NRXN3: variants seen among roughly 807,000 people sequenced by gnomAD.
NRXN3 encodes the protein neurexin III.
NRXN3 carries 32 observed loss-of-function variants against 137.6 expected under a neutral mutation model. The ratio of observed to expected loss-of-function variants is 0.23; its 90% CI spans 0.18 to 0.31. The LOEUF (loss-of-function observed/expected upper bound fraction) is 0.31, where lower values mean the gene tolerates loss of function less well. Among genes scored for constraint, NRXN3 ranks in the 10% least tolerant of loss-of-function variants. The probability of loss-of-function intolerance (pLI) is 1.00; values close to 1 mark genes in which losing one functional copy is unlikely to be tolerated. For synonymous variants in NRXN3, 798 were observed against 784.5 expected, an observed-to-expected ratio of 1.02 and a Z score of -0.29; for missense variants, 1,574 against 2,062.5, an observed-to-expected ratio of 0.76 and a Z score of 4.59.
chr14:79,339,658 A>G (rs892996741), intron 15 of NRXN3, among the ~76,000 whole-genome samples: 1 of 152,226 alleles, frequency 6.6e-6, no homozygotes, highest in African/African-American at 2.4e-5. Context: ...ACTTGTTTGC[A>G]TATTAAAGTT....
intron 16 of NRXN3, among the ~76,000 whole-genome samples, chr14:79,528,268 G>T (rs1359623405): frequency 1.3e-5 from 2 of 152,148 alleles, no homozygotes; most frequent in African/African-American, 4.8e-5. Context: ...ATTCATCATA[G>T]CTGTACTTGA....
chr14:79,338,839 T>A (rs915589337), intron 15 of NRXN3, among the ~76,000 whole-genome samples: 1 of 152,178 alleles, frequency 6.6e-6, no homozygotes, highest in African/African-American at 2.4e-5. Context: ...GATAACTATT[T>A]TTGTGTTTGT....
At chr14:78,749,366 T>G (rs1179425772) in intron 8 of NRXN3, among the ~76,000 whole-genome samples, 1 of 152,180 alleles carries the variant, frequency 6.6e-6, no homozygotes, top group African/African-American at 2.4e-5. Flanking sequence ...AGAAAAGCTT[T>G]TATGCTCATT....
intron 4 of NRXN3, among the ~76,000 whole-genome samples, chr14:78,331,441 GA>G (rs143596196): frequency 0.012 from 1,804 of 152,264 alleles, 33 homozygotes; most frequent in African/African-American, 0.041. Context: ...AGACTAGTTT[GA>G]AAATGTTCCA....
chr14:78,579,161 C>A (rs976472470), intron 4 of NRXN3, among the ~76,000 whole-genome samples: 1 of 152,160 alleles, frequency 6.6e-6, no homozygotes, highest in East Asian at 1.9e-4. Flanking sequence ...CACACGTACC[C>A]AGACACATTC....
intron 20 of NRXN3, among the ~76,000 whole-genome samples, chr14:79,819,592 C>T (rs1188476709): frequency 7.0e-6 from 1 of 142,656 alleles, no homozygotes; most frequent in African/African-American, 2.6e-5. Flanking sequence ...TCAGGCAATT[C>T]TCCTGCCTCA....
In NRXN3 at chr14:79,180,616, A is replaced by G. The variant is rs370138672; in HGVS notation, c.3262+192475A>G. On this transcript the variant is annotated intron_variant, in intron 15 of 20. Coordinates refer to ENST00000335750, the MANE Select transcript of NRXN3 (RefSeq NM_001330195.2). ...CTTAACAGCTTACCCTGCATGGTGT[A>G]CTTTATATAACAGAGACTTTAATGG... is the stretch of plus-strand genomic sequence containing the variant. Among the ~76,000 whole-genome samples the G allele has an allele frequency of 1.3e-4, 20 of 152,280 alleles. No homozygotes were observed. The South Asian group carries it at 2.1e-3, about 16-fold the overall frequency.
At chr14:78,418,334 G>T (rs1387057502) in intron 4 of NRXN3, among the ~76,000 whole-genome samples, 1 of 152,168 alleles carries the variant, frequency 6.6e-6, no homozygotes, top group Non-Finnish European at 1.5e-5. Context: ...GGGCTGCCAA[G>T]CTTCTCTGAA....
At chr14:79,527,259 A>T (rs1049569714) in intron 16 of NRXN3, among the ~76,000 whole-genome samples, 4 of 135,242 alleles carry the variant, frequency 3.0e-5, no homozygotes, top group African/African-American at 1.1e-4. Context: ...GAGCCACTGC[A>T]CTCCAGCCTG....
intron 15 of NRXN3, among the ~76,000 whole-genome samples, chr14:79,233,591 T>C (rs2072650582): frequency 6.6e-6 from 1 of 152,082 alleles, no homozygotes; most frequent in Admixed American, 6.6e-5. Flanking sequence ...ATATTCTACC[T>C]TAGAAAACTC....
rs1369403660 is a variant in NRXN3 at position 79,766,231 on chromosome 14, T to C, written c.4015-38881T>C. Among the ~76,000 whole-genome samples the C allele has an allele frequency of 4.6e-5, 7 of 152,312 alleles. No individual in the cohort carries two copies. The East Asian group carries it at 1.2e-3, about 25-fold the overall frequency. Reference sequence around the variant, plus strand: ...AAGGTTTCATATGGTGTCCACTTCATGCCATTATGTGATATGATTTGCCTC... The same window carrying C: ...AAGGTTTCATATGGTGTCCACTTCACGCCATTATGTGATATGATTTGCCTC... On this transcript the variant is annotated intron_variant, in intron 19 of 20. Coordinates refer to ENST00000335750, the MANE Select transcript of NRXN3 (RefSeq NM_001330195.2).
At chr14:79,526,777 C>T (rs989512235) in intron 16 of NRXN3, among the ~76,000 whole-genome samples, 4 of 152,024 alleles carry the variant, frequency 2.6e-5, no homozygotes, top group African/African-American at 7.3e-5. Context: ...GGGAAAGAAA[C>T]GAACGTGAGA....
intron 10 of NRXN3, among the ~76,000 whole-genome samples, chr14:78,951,423 A>G (rs1427910362): frequency 6.6e-6 from 1 of 152,076 alleles, no homozygotes; most frequent in Non-Finnish European, 1.5e-5. Flanking sequence ...CATCTCATTT[A>G]GTATCTTTCT....
chr14:79,280,106 TTTTC>T, intron 15 of NRXN3: 1 of 1,404,974 alleles, frequency 7.1e-7, no homozygotes, highest in African/African-American at 1.5e-5. Context: ...TATCTTTTTT[TTTTC>T]TTTCTTTAAG....
chr14:79,345,635 G>A (rs1435852994), intron 15 of NRXN3, among the ~76,000 whole-genome samples: 2 of 152,092 alleles, frequency 1.3e-5, no homozygotes, highest in African/African-American at 4.8e-5. Flanking sequence ...TCTCATGAAT[G>A]GTTTAGCACC....
chr14:78,538,418 T>A (rs567827204), intron 4 of NRXN3, among the ~76,000 whole-genome samples: 3 of 152,184 alleles, frequency 2.0e-5, no homozygotes, highest in Non-Finnish European at 4.4e-5. Flanking sequence ...TCAGTTTGTC[T>A]GTTAATGGTG....
chr14:78,893,887 G>T (rs1048363528), intron 10 of NRXN3, among the ~76,000 whole-genome samples: 2 of 151,862 alleles, frequency 1.3e-5, no homozygotes, highest in Non-Finnish European at 2.9e-5. Flanking sequence ...GTTTCCCAGT[G>T]CATATAAAAG....
chr14:79,208,907 C>T (rs558721505), intron 15 of NRXN3, among the ~76,000 whole-genome samples: 1 of 149,308 alleles, frequency 6.7e-6, no homozygotes, highest in East Asian at 2.0e-4. Flanking sequence ...TATATTCCCA[C>T]CAACAATGTA....
chr14:79,716,620 C>A (rs959900925), intron 19 of NRXN3, among the ~76,000 whole-genome samples: 11 of 151,980 alleles, frequency 7.2e-5, no homozygotes, highest in Admixed American at 3.9e-4. Flanking sequence ...GGAAGTTTTC[C>A]TGCAGTCTAA....
Sources: gnomAD v4.1 joint callset for allele counts (sites outside exome capture counted in the v4.1 genomes callset) on GRCh38, gnomAD v4.1.1 for gene constraint, MANE v1.5 for transcripts, NCBI Gene and HGNC (gene_info 2026-07-23, HGNC 2026-07-21) for gene names.